Variants in CANX observed in about 807,000 individuals in gnomAD.
CANX encodes calnexin.
A neutral mutation model predicts 75.7 loss-of-function variants in CANX; 14 were observed. That is an observed-to-expected ratio of 0.19 (90% CI 0.12 to 0.29). CANX has a LOEUF of 0.29. CANX is among the 10% of genes least tolerant of loss of function. The pLI, the probability that CANX is intolerant of heterozygous loss-of-function variation, is 1.00. For synonymous variants in CANX, 227 were observed against 236.9 expected (o/e 0.96, Z 0.38); for missense variants, 567 against 713.2 (o/e 0.79, Z 2.34).
intron 1 of CANX, among the ~76,000 whole-genome samples, chr5:179,683,124 CATTTATTT>C (rs200233525): frequency 6.6e-6 from 1 of 151,358 alleles, no homozygotes; most frequent in Non-Finnish European, 1.5e-5. Flanking sequence ...AAATCAACTA[CATTTATTT>C]ATTTATTTAT....
chr5:179,710,297 C>T (rs1306125387), intron 7 of CANX, among the ~76,000 whole-genome samples: 2 of 151,760 alleles, frequency 1.3e-5, no homozygotes, highest in Non-Finnish European at 2.9e-5. Flanking sequence ...GTGGTGCACG[C>T]CTGTAACCGA....
intron 6 of CANX, 101 bp downstream of exon 6, chr5:179,709,160 GC>G: frequency 1.4e-6 from 1 of 721,026 alleles, no homozygotes; most frequent in Non-Finnish European, 2.6e-6. Context: ...TGTAATCCTA[GC>G]TCCCAGCACT....
chr5:179,704,856 A>G (rs1777021693), intron 1 of CANX, among the ~76,000 whole-genome samples: 1 of 152,176 alleles, frequency 6.6e-6, no homozygotes, highest in Admixed American at 6.5e-5. Context: ...AATAAAATAT[A>G]TAAATTTTAA....
chr5:179,683,372 A>T (rs1317815237), intron 1 of CANX, among the ~76,000 whole-genome samples: 1 of 151,546 alleles, frequency 6.6e-6, no homozygotes, highest in Non-Finnish European at 1.5e-5. Context: ...TGACCTTGTG[A>T]TCCGCCCACC....
intron 1 of CANX, 38 bp downstream of exon 1, chr5:179,699,140 A>G: frequency 1.0e-6 from 1 of 1,003,966 alleles, no homozygotes; most frequent in Non-Finnish European, 1.2e-6. Flanking sequence ...CGGGCCTGTG[A>G]GGACCTCGGG....
intron 7 of CANX, among the ~76,000 whole-genome samples, chr5:179,712,918 T>A (rs868659626): frequency 0.011 from 1,632 of 149,230 alleles, 35 homozygotes; most frequent in African/African-American, 0.036. Flanking sequence ...ATTATTATTT[T>A]TTTTTTTTTC....
chr5:179,728,317 TCA>T (rs145556727), intron 14 of CANX, among the ~76,000 whole-genome samples: 1,927 of 152,254 alleles, frequency 0.013, 19 homozygotes, highest in Non-Finnish European at 0.022. Context: ...GATTAAGAAA[TCA>T]CAGTGTCTGA....
intron 1 of CANX, among the ~76,000 whole-genome samples, chr5:179,690,879 ACTCT>A: frequency 6.6e-6 from 1 of 151,498 alleles, no homozygotes; most frequent in Non-Finnish European, 1.5e-5. Flanking sequence ...ACAGAGTGAG[ACTCT>A]CTCAAAAAAA....
intron 12 of CANX, among the ~76,000 whole-genome samples, chr5:179,724,030 G>A (rs1439922977): frequency 2.0e-5 from 3 of 151,672 alleles, no homozygotes; most frequent in African/African-American, 4.8e-5. Context: ...CATAGTGTTC[G>A]GCAGCAACTT....
chr5:179,690,154 T>A (rs1030144172), intron 1 of CANX, among the ~76,000 whole-genome samples: 8 of 152,190 alleles, frequency 5.3e-5, no homozygotes, highest in African/African-American at 1.9e-4. Context: ...AGAGGAATAT[T>A]CCCCAAACCA....
chr5:179,713,356 G>A (rs1777710426), intron 7 of CANX, among the ~76,000 whole-genome samples: 1 of 152,200 alleles, frequency 6.6e-6, no homozygotes, highest in African/African-American at 2.4e-5. Flanking sequence ...ACAGGCGTGA[G>A]CCACTGAGCC....
At chr5:179,708,460 A>C in intron 5 of CANX, 80 bp downstream of exon 5, 1 of 1,315,658 alleles carries the variant, frequency 7.6e-7, no homozygotes, top group Non-Finnish European at 1.1e-6. Flanking sequence ...ACTCTATGTT[A>C]AAAAATTATG....
intron 3 of CANX, among the ~76,000 whole-genome samples, 185 bp downstream of exon 3, chr5:179,706,516 T>C (rs1777150501): frequency 6.6e-6 from 1 of 152,186 alleles, no homozygotes; most frequent in Non-Finnish European, 1.5e-5. Flanking sequence ...TGATACCGGC[T>C]CATTGCCACC....
intron 1 of CANX, among the ~76,000 whole-genome samples, chr5:179,703,132 C>T (rs537190374): frequency 6.6e-6 from 1 of 152,014 alleles, no homozygotes; most frequent in African/African-American, 2.4e-5. Context: ...AGGCTGGTCT[C>T]GAATTCCTGA....
intron 1 of CANX, among the ~76,000 whole-genome samples, chr5:179,689,378 A>ATTTTTTTT (rs1562438533): frequency 1.0e-5 from 1 of 98,234 alleles, no homozygotes; most frequent in South Asian, 4.5e-4. Context: ...AAACCCAACA[A>ATTTTTTTT]GTTTTTTTTT....
chr5:179,726,588 A>G (rs1233552131), intron 13 of CANX, 92 bp from the exon 14 acceptor site: 2 of 888,572 alleles, frequency 2.3e-6, no homozygotes, highest in East Asian at 5.4e-5. Flanking sequence ...AAAAAAAAAA[A>G]AAAAATTGTA....
intron 1 of CANX, among the ~76,000 whole-genome samples, chr5:179,686,648 G>A (rs1253711053): frequency 6.6e-6 from 1 of 151,540 alleles, no homozygotes; most frequent in Non-Finnish European, 1.5e-5. Flanking sequence ...TTTTTTAGTG[G>A]AGATGGGCTT....
At chr5:179,714,915 C>T (rs1429584979) in intron 7 of CANX, among the ~76,000 whole-genome samples, 2 of 152,042 alleles carry the variant, frequency 1.3e-5, no homozygotes, top group African/African-American at 4.8e-5. Context: ...CAGGTGTGCA[C>T]CAACATGCCC....
intron 8 of CANX, 34 bp from the exon 9 acceptor site, chr5:179,719,634 G>T: frequency 8.2e-7 from 1 of 1,214,238 alleles, no homozygotes; most frequent in Non-Finnish European, 1.2e-6. Flanking sequence ...TGTGACCAGT[G>T]TTGTCATAAC....
Sources: allele counts gnomAD v4.1 joint callset (sites outside exome capture counted in the v4.1 genomes callset), GRCh38; gene constraint gnomAD v4.1.1; transcripts MANE v1.5; gene names NCBI Gene and HGNC (gene_info 2026-07-23, HGNC 2026-07-21).